Variants in CMSS1 observed in about 807,000 individuals in gnomAD.
The protein encoded by CMSS1 is protein CMSS1.
A neutral mutation model predicts 43.5 loss-of-function variants in CMSS1; 33 were observed. The observed-to-expected ratio is 0.76, with a 90% confidence interval of 0.57 to 1.01. CMSS1 has a LOEUF of 1.01. CMSS1 is among the 50% of genes least tolerant of loss of function. The pLI, the probability that CMSS1 is intolerant of heterozygous loss-of-function variation, is 0.00. For synonymous variants in CMSS1, 115 were observed against 117.2 expected, an observed-to-expected ratio of 0.98 and a Z score of 0.12; for missense variants, 313 against 326.4, an observed-to-expected ratio of 0.96 and a Z score of 0.32.
At chr3:99,825,569 G>A (rs994793861) in intron 1 of CMSS1, among the ~76,000 whole-genome samples, 1 of 151,998 alleles carries the variant, frequency 6.6e-6, no homozygotes, top group African/African-American at 2.4e-5. Flanking sequence ...CAACAATTAC[G>A]AACATTTAAA....
chr3:100,117,858 T>TACAC lies in CMSS1; in HGVS notation c.65-29114_65-29113insCACA, dbSNP rs1175130206. Among the ~76,000 whole-genome samples the TACAC allele has an allele frequency of 2.2e-3, 232 of 103,354 alleles. 1 individual carries two copies. The highest frequency in any genetic ancestry group is 5.0e-3 in the Middle Eastern group (1 of 202). The allele number at this position is 103,354 out of a possible 152,430, so 67.8% of individuals were successfully genotyped here. Reference sequence around the variant, plus strand: ...ATATATATATATATATATATACATATATATATATATATATATATATACACA... The same window carrying TACAC: ...ATATATATATATATATATATACATATACACATATATATATATATATATATACACA... On this transcript the variant is annotated intron_variant, in intron 1 of 9. Coordinates refer to ENST00000421999, the MANE Select transcript of CMSS1 (RefSeq NM_032359.4).
chr3:99,865,285 G>T (rs1469503974), intron 1 of CMSS1, among the ~76,000 whole-genome samples: 3 of 152,160 alleles, frequency 2.0e-5, no homozygotes, highest in Non-Finnish European at 4.4e-5. Flanking sequence ...GGCAGAGCCA[G>T]AATGCCAGTG....
intron 1 of CMSS1, chr3:99,876,089 G>T: frequency 1.0e-6 from 1 of 986,400 alleles, no homozygotes; most frequent in Non-Finnish European, 1.2e-6. Flanking sequence ...GCCTGCGCCG[G>T]GGCCGGGCGG....
intron 1 of CMSS1, among the ~76,000 whole-genome samples, chr3:99,927,181 A>G (rs777289615): frequency 2.6e-5 from 4 of 152,216 alleles, no homozygotes; most frequent in Non-Finnish European, 4.4e-5. Context: ...CTCTTTCACC[A>G]AAACTTTCCC....
intron 1 of CMSS1, among the ~76,000 whole-genome samples, chr3:100,020,760 C>CT (rs34665880): frequency 0.46 from 32,889 of 71,246 alleles, 10,333 homozygotes; most frequent in East Asian, 0.63. Flanking sequence ...GAATAATTAG[C>CT]TTTTTTTTTT....
At position 99,817,866 on chromosome 3, in the gene CMSS1, T is replaced by C. The variant is rs1942351088; in HGVS notation, c.-114T>C. 1.8e-6 allele frequency: 2 copies of C among 1,090,880 alleles called. No homozygotes were observed. 67.6% of individuals were successfully genotyped at this position (1,090,880 alleles called of 1,614,324 possible). A position where few individuals can be genotyped will look rare whatever the true frequency, so the allele number is the denominator to read the frequency against. On this transcript the variant is annotated 5_prime_UTR_variant, in exon 1 of 10. Transcript: ENST00000421999. The stretch of plus-strand genomic sequence containing the variant: ...TCGCCGCGGGGCGGAGGCGACAGTG[T>C]CTAGCGGGAGCTCCGCGTGTAGCTA...
At chr3:100,052,475 G>T (rs1471352568) in intron 1 of CMSS1, among the ~76,000 whole-genome samples, 1 of 152,104 alleles carries the variant, frequency 6.6e-6, no homozygotes, top group East Asian at 1.9e-4. Context: ...TGGAGGATGG[G>T]TCTTATGGCA....
At chr3:100,094,915 C>T (rs1040651992) in intron 1 of CMSS1, among the ~76,000 whole-genome samples, 1 of 151,860 alleles carries the variant, frequency 6.6e-6, no homozygotes, top group South Asian at 2.1e-4. Context: ...GTCTTGATCT[C>T]CTGACCTCGT....
At chr3:99,936,010 A>C (rs1290387398) in intron 1 of CMSS1, among the ~76,000 whole-genome samples, 4 of 152,226 alleles carry the variant, frequency 2.6e-5, no homozygotes, top group African/African-American at 7.2e-5. Flanking sequence ...AATTTTAAAA[A>C]TCATTCTTTA....
intron 1 of CMSS1, among the ~76,000 whole-genome samples, chr3:100,003,322 A>ATACT (rs2107171487): frequency 1.3e-5 from 2 of 152,316 alleles, no homozygotes; most frequent in African/African-American, 4.8e-5. Context: ...AGTGCAGTAA[A>ATACT]TACTTACATA....
At chr3:99,968,948 C>T (rs1296736966) in intron 1 of CMSS1, among the ~76,000 whole-genome samples, 1 of 136,606 alleles carries the variant, frequency 7.3e-6, no homozygotes, top group East Asian at 2.2e-4. Context: ...GGGGTGCAAC[C>T]CAGGTTCAAG....
At chr3:100,047,933 T>G (rs2065303749) in intron 1 of CMSS1, among the ~76,000 whole-genome samples, 1 of 152,182 alleles carries the variant, frequency 6.6e-6, no homozygotes, top group African/African-American at 2.4e-5. Flanking sequence ...TTTTCTATGG[T>G]GAGTTGAGCA....
intron 1 of CMSS1, among the ~76,000 whole-genome samples, chr3:100,109,203 G>A (rs1052175949): frequency 6.6e-6 from 1 of 150,972 alleles, no homozygotes; most frequent in Non-Finnish European, 1.5e-5. Flanking sequence ...TTTTTCTTTT[G>A]TGTGTTTTAA....
At chr3:99,914,702 A>G (rs988889841) in intron 1 of CMSS1, among the ~76,000 whole-genome samples, 2 of 152,240 alleles carry the variant, frequency 1.3e-5, no homozygotes, top group African/African-American at 4.8e-5. Flanking sequence ...TGACTTAGCA[A>G]TTTCACATAT....
At chr3:99,956,641 C>A (rs1708328321) in intron 1 of CMSS1, among the ~76,000 whole-genome samples, 1 of 152,242 alleles carries the variant, frequency 6.6e-6, no homozygotes, top group Non-Finnish European at 1.5e-5. Flanking sequence ...GCCCCCGCGC[C>A]CAGCCACCTC....
In CMSS1 at chr3:100,025,790, G is replaced by A. The variant is rs565214628; in HGVS notation, c.65-121183G>A. Among the ~76,000 whole-genome samples, 367 of 152,270 alleles carry A rather than the reference G, an allele frequency of 2.4e-3. 1 individual carries two copies. The highest frequency in any genetic ancestry group is 8.3e-3 in the African/African-American group (346 of 41,566). On this transcript the variant is annotated intron_variant, in intron 1 of 9. Transcript: ENST00000421999. ...GATTCACATATACATTAGAGTTTGA[G>A]AAGCTCTGCTGTAGTCGACCTCCAT...
At chr3:100,111,915 A>G (rs904387535) in intron 1 of CMSS1, among the ~76,000 whole-genome samples, 12 of 152,192 alleles carry the variant, frequency 7.9e-5, no homozygotes, top group Non-Finnish European at 1.3e-4. Flanking sequence ...AACATGCACA[A>G]TACACAGATT....
chr3:99,889,419 A>G (rs1332922403), intron 1 of CMSS1, among the ~76,000 whole-genome samples: 1 of 152,064 alleles, frequency 6.6e-6, no homozygotes, highest in Non-Finnish European at 1.5e-5. Context: ...GTAGTTACTA[A>G]TGTCTTTTCT....
intron 1 of CMSS1, among the ~76,000 whole-genome samples, chr3:100,060,552 A>G (rs2065545584): frequency 1.3e-5 from 2 of 151,986 alleles, no homozygotes; most frequent in Admixed American, 1.3e-4. Flanking sequence ...AGTAAAAACC[A>G]CCACTTAAGA....
Sources: allele counts gnomAD v4.1 joint callset (sites outside exome capture counted in the v4.1 genomes callset), GRCh38; gene constraint gnomAD v4.1.1; transcripts MANE v1.5; gene names NCBI Gene and HGNC (gene_info 2026-07-23, HGNC 2026-07-21).